The following IGSF11 variants were observed in gnomAD, a reference collection of about 807,000 sequenced individuals.
IGSF11 encodes the protein CXADR like 1.
A neutral mutation model predicts 41.0 loss-of-function variants in IGSF11; 22 were observed. That is an observed-to-expected ratio of 0.54 (90% CI 0.38 to 0.77). The LOEUF is 0.77. Ranked by LOEUF, IGSF11 falls within the 30% of genes least tolerant of loss-of-function variation. IGSF11 has a pLI of 0.00. For synonymous variants in IGSF11, 219 were observed against 201.3 expected, an observed-to-expected ratio of 1.09 and a Z score of -0.74; for missense variants, 444 against 530.8, an observed-to-expected ratio of 0.84 and a Z score of 1.61.
chr3:118,925,972 A>T (rs1006850233), intron 4 of IGSF11, 129 bp downstream of exon 4: 1 of 560,696 alleles, frequency 1.8e-6, no homozygotes, highest in Non-Finnish European at 2.8e-6. Context: ...GAAAACACAA[A>T]ATGATCCAGA....
intron 6 of IGSF11, 50 bp from the exon 7 acceptor site, chr3:118,903,011 C>T: frequency 1.3e-6 from 2 of 1,515,020 alleles, no homozygotes; most frequent in Non-Finnish European, 1.8e-6. Flanking sequence ...CAAGTTAATC[C>T]TATCCTCCTA....
chr3:119,041,081 G>A (rs193171076), intron 1 of IGSF11, among the ~76,000 whole-genome samples: 1 of 152,122 alleles, frequency 6.6e-6, no homozygotes, highest in East Asian at 1.9e-4. Context: ...TTACTACTTA[G>A]CTTAAGAATT....
Position 119,091,212 on chromosome 3 carries a change from G to A in IGSF11, c.49+13932C>T, listed in dbSNP as rs150875985. Among the ~76,000 whole-genome samples the A allele has an allele frequency of 8.6e-3, 1,303 of 152,240 alleles. 19 individuals carry two copies. The highest frequency in any genetic ancestry group is 0.029 in the African/African-American group (1,217 of 41,550). On this transcript the variant is annotated intron_variant, in intron 1 of 6. Coordinates refer to the IGSF11 transcript ENST00000354673. ...AAAAAGTCAAAAAACACCAGATTCT[G>A]GCTAGGCTGAAGAGAGAAGGGAACA...
chr3:118,983,883 G>GTCTAAACAA (rs1424266756), intron 1 of IGSF11, among the ~76,000 whole-genome samples: 16 of 152,024 alleles, frequency 1.1e-4, no homozygotes, highest in Non-Finnish European at 1.8e-4. Flanking sequence ...TTTCAGTTGT[G>GTCTAAACAA]ACCCCAGTTG....
At chr3:118,979,051 T>C (rs1046818397) in intron 1 of IGSF11, among the ~76,000 whole-genome samples, 4 of 151,904 alleles carry the variant, frequency 2.6e-5, no homozygotes, top group African/African-American at 9.7e-5. Flanking sequence ...AGAAAAATAA[T>C]TCAGATGTGA....
intron 1 of IGSF11, among the ~76,000 whole-genome samples, chr3:119,011,964 T>TGG (rs1479027628): frequency 6.6e-6 from 1 of 152,168 alleles, no homozygotes; most frequent in African/African-American, 2.4e-5. Context: ...TGTGTGTGTG[T>TGG]GTGTGTATAC....
At chr3:119,063,696 G>C (rs999343807) in intron 1 of IGSF11, among the ~76,000 whole-genome samples, 1 of 152,166 alleles carries the variant, frequency 6.6e-6, no homozygotes, top group Admixed American at 6.5e-5. Flanking sequence ...TAAATATCTA[G>C]AGACAAGTCA....
chr3:119,125,885 A>C (rs1372752015), intron 1 of IGSF11, among the ~76,000 whole-genome samples: 2 of 152,236 alleles, frequency 1.3e-5, no homozygotes, highest in Admixed American at 1.3e-4. Flanking sequence ...CAGCTGGGGA[A>C]ACCGTGCAAC....
At chr3:118,976,580 A>ATT (rs1934134015) in intron 1 of IGSF11, among the ~76,000 whole-genome samples, 1 of 152,210 alleles carries the variant, frequency 6.6e-6, no homozygotes, top group Admixed American at 6.5e-5. Context: ...AAAGGAGAAC[A>ATT]AAACTCCTGC....
intron 1 of IGSF11, among the ~76,000 whole-genome samples, chr3:118,976,945 T>C (rs574412081): frequency 3.1e-4 from 47 of 152,310 alleles, no homozygotes; most frequent in African/African-American, 9.4e-4. Flanking sequence ...CACCCACTTC[T>C]GTAGGAAAAA....
chr3:119,102,278 T>A (rs925135555), intron 1 of IGSF11, among the ~76,000 whole-genome samples: 2 of 152,234 alleles, frequency 1.3e-5, no homozygotes, highest in African/African-American at 4.8e-5. Context: ...GTCTGCTATC[T>A]TTTCACTAAA....
chr3:119,120,476 AG>A (rs1265888827), intron 1 of IGSF11, among the ~76,000 whole-genome samples: 4 of 152,206 alleles, frequency 2.6e-5, no homozygotes, highest in Admixed American at 6.5e-5. Flanking sequence ...GAGAGAAAAA[AG>A]GTTTCCTCAT....
At chr3:119,028,409 C>T (rs1940034624) in intron 1 of IGSF11, among the ~76,000 whole-genome samples, 1 of 152,036 alleles carries the variant, frequency 6.6e-6, no homozygotes, top group African/African-American at 2.4e-5. Flanking sequence ...AAGAGGGAGG[C>T]CTCAGGCTAC....
chr3:119,106,930 T>G (rs978363168), upstream of IGSF11, among the ~76,000 whole-genome samples: 1 of 152,258 alleles, frequency 6.6e-6, no homozygotes, highest in Non-Finnish European at 1.5e-5. Context: ...TCATTTTTTA[T>G]GGCTGCATAG....
chr3:118,970,324 G>A (rs1165865316), intron 1 of IGSF11, among the ~76,000 whole-genome samples: 1 of 152,110 alleles, frequency 6.6e-6, no homozygotes, highest in Admixed American at 6.5e-5. Context: ...ATAATAGGGA[G>A]AGACACTGAT....
intron 1 of IGSF11, among the ~76,000 whole-genome samples, chr3:118,971,699 G>A (rs1258971869): frequency 1.3e-5 from 2 of 151,664 alleles, no homozygotes; most frequent in Non-Finnish European, 2.9e-5. Flanking sequence ...TGCTACTCAG[G>A]AGGCTGAGGC....
At chr3:119,019,288 T>C (rs1205492222) in intron 1 of IGSF11, among the ~76,000 whole-genome samples, 1 of 151,228 alleles carries the variant, frequency 6.6e-6, no homozygotes, top group Non-Finnish European at 1.5e-5. Context: ...TACATTCCTT[T>C]GTTAATAAAT....
At chr3:118,926,402 C>T (rs1034816324) in intron 3 of IGSF11, 146 bp from the exon 4 acceptor site, 5 of 611,790 alleles carry the variant, frequency 8.2e-6, no homozygotes, top group Non-Finnish European at 1.3e-5. Context: ...CGCCTGAACC[C>T]AGGGGAGGCA....
At chr3:119,134,882 C>T (rs1054158809) in intron 1 of IGSF11, among the ~76,000 whole-genome samples, 10 of 151,972 alleles carry the variant, frequency 6.6e-5, no homozygotes, top group East Asian at 1.9e-4. Flanking sequence ...CCAATAGAAC[C>T]GAACAGAGGC....
Sources: gnomAD v4.1 joint callset for allele counts (sites outside exome capture counted in the v4.1 genomes callset) on GRCh38, gnomAD v4.1.1 for gene constraint, MANE v1.5 for transcripts, NCBI Gene and HGNC (gene_info 2026-07-23, HGNC 2026-07-21) for gene names.